The following TMEM132D variants were observed in gnomAD, a reference collection of about 807,000 sequenced individuals.
TMEM132D encodes the protein mature OL transmembrane protein.
In TMEM132D, 21 loss-of-function variants were observed where a neutral mutation model predicts 62.3. The ratio of observed to expected loss-of-function variants is 0.34; its 90% CI spans 0.24 to 0.49. The LOEUF is 0.49. Ranked by LOEUF, TMEM132D falls within the 20% of genes least tolerant of loss-of-function variation. The pLI is 0.99. For missense variants in TMEM132D, 1,346 were observed against 1,402.8 expected, an observed-to-expected ratio of 0.96 and a Z score of 0.65; for synonymous variants, 621 against 575.6, an observed-to-expected ratio of 1.08 and a Z score of -1.13.
At chr12:129,590,366 C>A (rs1455972001) in intron 2 of TMEM132D, among the ~76,000 whole-genome samples, 2 of 152,324 alleles carry the variant, frequency 1.3e-5, no homozygotes, top group East Asian at 3.9e-4. Context: ...TCCACCAAGT[C>A]CCTTCTAATA....
chr12:129,231,726 A>G (rs1050888513), intron 4 of TMEM132D, among the ~76,000 whole-genome samples: 1 of 152,166 alleles, frequency 6.6e-6, no homozygotes, highest in African/African-American at 2.4e-5. Context: ...CCACCGGGCT[A>G]TGGGTTTGTT....
intron 2 of TMEM132D, among the ~76,000 whole-genome samples, chr12:129,643,320 C>T (rs112123890): frequency 6.6e-5 from 10 of 152,148 alleles, no homozygotes; most frequent in African/African-American, 1.7e-4. Context: ...ACACCACTAG[C>T]GCAGTGTTTG....
intron 4 of TMEM132D, among the ~76,000 whole-genome samples, chr12:129,243,478 T>C (rs1035388258): frequency 6.6e-6 from 1 of 152,186 alleles, no homozygotes; most frequent in Non-Finnish European, 1.5e-5. Flanking sequence ...TTAGAAGCTC[T>C]GGGGGTGCAG....
chr12:129,229,833 G>C (rs2135577919), intron 4 of TMEM132D, among the ~76,000 whole-genome samples: 1 of 152,300 alleles, frequency 6.6e-6, no homozygotes, highest in Admixed American at 6.5e-5. Flanking sequence ...GTGGGGCTGG[G>C]AGCCAAGTCT....
At chr12:129,635,929 C>A (rs1453380228) in intron 2 of TMEM132D, among the ~76,000 whole-genome samples, 1 of 152,172 alleles carries the variant, frequency 6.6e-6, no homozygotes, top group Admixed American at 6.5e-5. Context: ...CTGGACAGGA[C>A]AACTGTCCTG....
chr12:129,184,511 G>T (rs1219397350), intron 5 of TMEM132D, among the ~76,000 whole-genome samples: 1 of 152,184 alleles, frequency 6.6e-6, no homozygotes, highest in Non-Finnish European at 1.5e-5. Context: ...CATTTCATGG[G>T]ATTCCCATAC....
At chr12:129,837,549 T>C (rs971577417) in intron 1 of TMEM132D, among the ~76,000 whole-genome samples, 2 of 152,196 alleles carry the variant, frequency 1.3e-5, no homozygotes, top group African/African-American at 4.8e-5. Context: ...CTTCTCCAAA[T>C]AGAAGGATTT....
At position 129,668,205 on chromosome 12, in the gene TMEM132D, T is replaced by C. The variant is rs188414167; in HGVS notation, c.968+31605A>G. On this transcript the variant is annotated intron_variant, in intron 2 of 8. Coordinates refer to ENST00000422113, the MANE Select transcript of TMEM132D (RefSeq NM_133448.3). Reference sequence around the variant, plus strand: ...GTGTCCTAAGATTATGGGAAACTTCTATAATGTTGATATAATTTAGTGTAC... The same window carrying C: ...GTGTCCTAAGATTATGGGAAACTTCCATAATGTTGATATAATTTAGTGTAC... Among the ~76,000 whole-genome samples the C allele has an allele frequency of 3.5e-3, 518 of 147,944 alleles. 10 individuals carry two copies. Among genetic ancestry groups the C allele is most frequent in the East Asian group, 0.017 (79 of 4,726 alleles).
In TMEM132D at chr12:129,458,089, G is replaced by C. The variant is rs1382665955; in HGVS notation, c.1115+72970C>G. Reference sequence around the variant, plus strand: ...TATCGTACTCTCCCCTGTCCTTTCAGACACAAAGGAGACAGCTCCTCTAGT... The same window carrying C: ...TATCGTACTCTCCCCTGTCCTTTCACACACAAAGGAGACAGCTCCTCTAGT... On this transcript the variant is annotated intron_variant, in intron 3 of 8. Coordinates refer to ENST00000422113, the MANE Select transcript of TMEM132D (RefSeq NM_133448.3). 3.9e-5 allele frequency among the ~76,000 whole-genome samples: 6 copies of C among 152,254 alleles called. 1 individual carries two copies. The South Asian group carries it at 1.2e-3, about 32-fold the overall frequency.
chr12:129,502,785 C>A (rs1875192737), intron 3 of TMEM132D, among the ~76,000 whole-genome samples: 1 of 152,150 alleles, frequency 6.6e-6, no homozygotes, highest in Non-Finnish European at 1.5e-5. Flanking sequence ...CGTCTACAGA[C>A]CAATACTCAT....
intron 1 of TMEM132D, among the ~76,000 whole-genome samples, chr12:129,831,852 T>C (rs904175775): frequency 7.0e-6 from 1 of 143,216 alleles, no homozygotes; most frequent in African/African-American, 2.5e-5. Context: ...TTTTTTTTTC[T>C]TTTCTTTTTC....
rs375230592 is a variant in TMEM132D, at chr12:129,770,140, G to GTTTTTTT, written c.80-69443_80-69442insAAAAAAA. 4.5e-4 allele frequency among the ~76,000 whole-genome samples: 47 copies of GTTTTTTT among 104,336 alleles called. 2 individuals are homozygous for GTTTTTTT. Among genetic ancestry groups the GTTTTTTT allele is most frequent in the African/African-American group, 1.1e-3 (29 of 27,406 alleles). 68.4% of individuals were successfully genotyped at this position (104,336 alleles called of 152,430 possible). A position where few individuals can be genotyped will look rare whatever the true frequency, so the allele number is the denominator to read the frequency against. ...ATGAGATTCTTTGTGGGTTTTTTTG[G>GTTTTTTT]TTGTTTTTTTTTTTTTTTTTTGAGA... On this transcript the variant is annotated intron_variant, in intron 1 of 8. Coordinates refer to ENST00000422113, the MANE Select transcript of TMEM132D (RefSeq NM_133448.3).
At chr12:129,082,081 G>GGGACCGTCC in intron 6 of TMEM132D, 49 bp from the exon 7 acceptor site, 1 of 1,549,526 alleles carries the variant, frequency 6.5e-7, no homozygotes. Context: ...TTGGTCCTCT[G>GGGACCGTCC]TAAGGGGCCG....
chr12:129,091,691 T>A (rs188813452), intron 5 of TMEM132D, among the ~76,000 whole-genome samples: 1 of 152,152 alleles, frequency 6.6e-6, no homozygotes, highest in Admixed American at 6.5e-5. Context: ...ACTCTGGAGA[T>A]CTTACCTAAA....
At chr12:129,581,541 T>A (rs994904770) in intron 2 of TMEM132D, among the ~76,000 whole-genome samples, 7 of 152,200 alleles carry the variant, frequency 4.6e-5, no homozygotes, top group Non-Finnish European at 1.0e-4. Context: ...ACTACTAGTG[T>A]AGGTCCAAGA....
chr12:129,507,332 C>T (rs1875364741), intron 3 of TMEM132D, among the ~76,000 whole-genome samples: 1 of 152,166 alleles, frequency 6.6e-6, no homozygotes, highest in Admixed American at 6.5e-5. Flanking sequence ...AGTAGAACTA[C>T]CATTTGATCC....
intron 1 of TMEM132D, among the ~76,000 whole-genome samples, chr12:129,806,852 C>A (rs1277312446): frequency 1.3e-5 from 2 of 151,898 alleles, no homozygotes; most frequent in Non-Finnish European, 2.9e-5. Flanking sequence ...ATAGTGAGAC[C>A]CCAACTCTAC....
intron 2 of TMEM132D, among the ~76,000 whole-genome samples, chr12:129,550,905 C>T (rs1206422217): frequency 6.6e-6 from 1 of 152,162 alleles, no homozygotes; most frequent in Admixed American, 6.5e-5. Flanking sequence ...AGAAGTCACA[C>T]TATGAGGCTG....
chr12:129,902,504 A>C (rs1270083720), intron 1 of TMEM132D, among the ~76,000 whole-genome samples: 2 of 152,346 alleles, frequency 1.3e-5, no homozygotes, highest in African/African-American at 4.8e-5. Flanking sequence ...TGCTCTTCCC[A>C]TGACAGACAG....
Sources: gnomAD v4.1 joint callset for allele counts (sites outside exome capture counted in the v4.1 genomes callset) on GRCh38, gnomAD v4.1.1 for gene constraint, MANE v1.5 for transcripts, NCBI Gene and HGNC (gene_info 2026-07-23, HGNC 2026-07-21) for gene names.